The following FASTK variants were observed in gnomAD, a reference collection of about 807,000 sequenced individuals.
FASTK encodes fas-activated serine/threonine kinase.
A neutral mutation model predicts 60.0 loss-of-function variants in FASTK; 28 were observed. The ratio of observed to expected loss-of-function variants is 0.47; its 90% confidence interval spans 0.35 to 0.64. FASTK has a LOEUF of 0.64. FASTK is among the 30% of genes least tolerant of loss of function. The pLI, the probability that FASTK is intolerant of heterozygous loss-of-function variation, is 0.01. For missense variants in FASTK, 595 were observed against 713.8 expected, an observed-to-expected ratio of 0.83 and a Z score of 1.90; for synonymous variants, 325 against 307.9, an observed-to-expected ratio of 1.06 and a Z score of -0.58.
In FASTK at chr7:151,076,718, C is replaced by G; in HGVS notation, c.*7G>C. On this transcript the variant is annotated 3_prime_UTR_variant, in exon 10 of 10. Transcript: ENST00000297532. ...GGGGGGGCCATCCTGAACCCCACATCAACCCCTCAGCCCCCTTCAGGCCCC... is the reference window on the plus strand; with the variant it reads ...GGGGGGGCCATCCTGAACCCCACATGAACCCCTCAGCCCCCTTCAGGCCCC... The G allele has an allele frequency of 6.5e-7, 1 of 1,544,068 alleles. No individual in the cohort carries two copies. Among genetic ancestry groups the G allele is most frequent in the Admixed American group, 2.0e-5 (1 of 49,132 alleles).
rs941456971 is a variant in FASTK, at chr7:151,078,698, G to T, written c.689C>A (p.Ala230Glu). 1 of 1,612,752 alleles carries T rather than the reference G, an allele frequency of 6.2e-7. No homozygotes were observed. The highest frequency in any genetic ancestry group is 8.5e-7 in the Non-Finnish European group (1 of 1,179,890). The change falls in exon 4 of 10, where the codon GCA becomes GAA. Residue 230 changes from alanine to glutamate, a missense_variant. Transcript: ENST00000297532. The stretch of plus-strand genomic sequence containing the variant: ...GTGGGGAGTCAGTTCCTCTGGCCTT[G>T]CCTCTGTGAAGAGCAGCCTGTCACG... ...RQHLISSLAE[A>E]RPEELTPHVM...
Position 151,076,677 on chromosome 7 carries a change from A to G in FASTK, c.*48T>C, listed in dbSNP as rs763017436. 8.1e-7 allele frequency: 1 copy of G among 1,241,790 alleles called. No individual in the cohort carries two copies. The highest frequency in any genetic ancestry group is 1.5e-5 in the South Asian group (1 of 67,790). 76.9% of individuals were successfully genotyped at this position (1,241,790 alleles called of 1,614,324 possible). A position where few individuals can be genotyped will look rare whatever the true frequency, so the allele number is the denominator to read the frequency against. ...CAAAACACAGGGAACCAAAGTGCAA[A>G]TCATCCACCCCCCATGGGGGGGCCA... On this transcript the variant is annotated 3_prime_UTR_variant, in exon 10 of 10. Transcript: ENST00000297532.
Position 151,080,783 on chromosome 7 carries a change from C to T in FASTK, c.-17G>A. The T allele has an allele frequency of 7.9e-7, 1 of 1,266,648 alleles. No individual in the cohort carries two copies. Among genetic ancestry groups the T allele is most frequent in the Non-Finnish European group, 1.0e-6 (1 of 1,001,416 alleles). The allele number at this position is 1,266,648 out of a possible 1,614,324, so 78.5% of individuals were successfully genotyped here. On this transcript the variant is annotated 5_prime_UTR_variant, in exon 1 of 10. Transcript: ENST00000297532. Reference sequence around the variant, plus strand: ...CCTCCTCATCGGCTAGCCACCGAGTCCGCCATCTTCCCAGCAGCCCCTAGA... The same window carrying T: ...CCTCCTCATCGGCTAGCCACCGAGTTCGCCATCTTCCCAGCAGCCCCTAGA...
At position 151,080,218 on chromosome 7, in the gene FASTK, C is replaced by T. The variant is rs1247689022; in HGVS notation, c.83-296G>A. Reference sequence around the variant, plus strand: ...GCAGGGCTGGCATTACCTCATTTCACCGGTGGAGAAACGCAGGCCCAGAGC... The same window carrying T: ...GCAGGGCTGGCATTACCTCATTTCATCGGTGGAGAAACGCAGGCCCAGAGC... On this transcript the variant is annotated intron_variant, in intron 1 of 9. Coordinates refer to ENST00000297532, the MANE Select transcript of FASTK (RefSeq NM_006712.5). 9.8e-6 allele frequency: 4 copies of T among 407,852 alleles called. No individual in the cohort carries two copies. In the South Asian group the frequency reaches 1.5e-4, roughly 16 times the overall value. The allele number at this position is 407,852 out of a possible 1,614,324, so 25.3% of individuals were successfully genotyped here. A position where few individuals can be genotyped will look rare whatever the true frequency, so the allele number is the denominator to read the frequency against.
chr7:151,079,654 C>T lies in FASTK; in HGVS notation c.351G>A (p.Ala117=), dbSNP rs1585013335. 6.2e-7 allele frequency: 1 copy of T among 1,612,906 alleles called. No individual in the cohort carries two copies. Among genetic ancestry groups the T allele is most frequent in the Admixed American group, 1.7e-5 (1 of 59,926 alleles). Residue 117 remains alanine (A), a synonymous_variant, in exon 2 of 10, where the codon GCG becomes GCA. Coordinates refer to ENST00000297532, the MANE Select transcript of FASTK (RefSeq NM_006712.5). ...CCAAGAGCTGGCCCAGACGACGAAG[C>T]GCCACCGAGTAGTGGTGGGCGCGCA... is the stretch of plus-strand genomic sequence containing the variant. ...SKVRAHHYSV[A]LRRLGQLLGS...
At chr7:151,077,475 C>A in intron 6 of FASTK, 74 bp from the exon 7 acceptor site, 3 of 1,547,196 alleles carry the variant, frequency 1.9e-6, no homozygotes, top group Non-Finnish European at 2.7e-6. Flanking sequence ...AGTGCCACCA[C>A]CCTGGGCAAA....
In FASTK at chr7:151,080,674, GC is replaced by G; in HGVS notation, c.82+10del. ...CCCTCCCGCAGCCCTCCCCGCAGGC[GC>G]CACCCCTACATGACTCCCCGGGCCC... On this transcript the variant is annotated intron_variant, in intron 1 of 9. Transcript: ENST00000297532. 1 of 1,436,482 alleles carries G rather than the reference GC, an allele frequency of 7.0e-7. No individual in the cohort carries two copies. Among genetic ancestry groups the G allele is most frequent in the South Asian group, 1.4e-5 (1 of 72,200 alleles). The allele number at this position is 1,436,482 out of a possible 1,614,324, so 89.0% of individuals were successfully genotyped here. A position where few individuals can be genotyped will look rare whatever the true frequency, so the allele number is the denominator to read the frequency against.
At position 151,080,384 on chromosome 7, in the gene FASTK, G is replaced by A. The variant is rs536732811; in HGVS notation, c.82+301C>T. The A allele has an allele frequency of 1.4e-4, 137 of 969,500 alleles. 1 individual carries two copies. The African/African-American group carries it at 1.8e-3, about 13-fold the overall frequency. 60.1% of individuals were successfully genotyped at this position (969,500 alleles called of 1,614,324 possible). ...GCGGCGGCGGCACAGAGGGTGGAAC[G>A]CGGGCTCCGCGGCTGGACGGTGCTG... On this transcript the variant is annotated intron_variant, in intron 1 of 9. Transcript: ENST00000297532.
intron 4 of FASTK, among the ~76,000 whole-genome samples, 196 bp from the exon 5 acceptor site, chr7:151,078,288 A>T (rs948304555): frequency 6.6e-6 from 1 of 152,224 alleles, no homozygotes; most frequent in Non-Finnish European, 1.5e-5. Context: ...CAGAGGGGAC[A>T]TCGCTGTGGG....
At chr7:151,078,115 T>G (rs1380228882) in intron 4 of FASTK, 23 bp from the exon 5 acceptor site, 3 of 1,525,006 alleles carry the variant, frequency 2.0e-6, no homozygotes, top group African/African-American at 2.8e-5. Context: ...AGCAGTTCAT[T>G]ACCCAGTGTC....
chr7:151,078,755 AT>A, intron 3 of FASTK, 54 bp from the exon 4 acceptor site: 2 of 1,610,862 alleles, frequency 1.2e-6, no homozygotes, highest in Admixed American at 3.4e-5. Context: ...GGCTGGCTCA[AT>A]TCCACCTCAG....
intron 1 of FASTK, 174 bp downstream of exon 1, chr7:151,080,511 C>T (rs1797931254): frequency 1.6e-6 from 2 of 1,288,922 alleles, no homozygotes; most frequent in East Asian, 3.2e-5. Context: ...GCAGCGCCCA[C>T]CTCGCAGGGC....
At chr7:151,080,252 GGTTAA>G (rs1190837060) in intron 1 of FASTK, 30 of 373,226 alleles carry the variant, frequency 8.0e-5, no homozygotes, top group African/African-American at 1.7e-4. Flanking sequence ...GCAGCGAAGG[GGTTAA>G]GTTAAGCCCG....
chr7:151,077,242 G>A lies in FASTK; in HGVS notation c.1292-6C>T. On this transcript the variant is annotated splice_polypyrimidine_tract_variant and splice_region_variant and intron_variant, in intron 7 of 9. Coordinates refer to ENST00000297532, the MANE Select transcript of FASTK (RefSeq NM_006712.5). Reference sequence around the variant, plus strand: ...GCTGGCGCACAGCAGGAAGTCTGGAGGGGAGCAGGGCCGGCGGCCTTAGCC... The same window carrying A: ...GCTGGCGCACAGCAGGAAGTCTGGAAGGGAGCAGGGCCGGCGGCCTTAGCC... 1 of 1,612,498 alleles carries A rather than the reference G, an allele frequency of 6.2e-7. No individual in the cohort carries two copies.
chr7:151,078,285 G>C (rs1460538044), intron 4 of FASTK, among the ~76,000 whole-genome samples, 193 bp from the exon 5 acceptor site: 1 of 152,194 alleles, frequency 6.6e-6, no homozygotes, highest in Non-Finnish European at 1.5e-5. Flanking sequence ...AGGCAGAGGG[G>C]ACATCGCTGT....
At position 151,076,975 on chromosome 7, in the gene FASTK, G is replaced by A; in HGVS notation, c.1480C>T (p.Leu494=). The A allele has an allele frequency of 6.2e-7, 1 of 1,612,340 alleles. No homozygotes were observed. Among genetic ancestry groups the A allele is most frequent in the Non-Finnish European group, 8.5e-7 (1 of 1,179,804 alleles). ...TCCCTCAGGGCCCTCGAGCCCAGCA[G>A]CACCCGGCCGTCCCGGCAGAAATGC... ...RWHFCRDGRV[L]LGSRALRERH... is the part of the protein sequence containing the mutation. Residue 494 remains leucine, a synonymous_variant, in exon 9 of 10, where the codon CTG becomes TTG. Coordinates refer to ENST00000297532, the MANE Select transcript of FASTK (RefSeq NM_006712.5).
rs755877080 is a variant in FASTK, at chr7:151,077,240, G to A, written c.1292-4C>T. 4 of 1,612,546 alleles carry A rather than the reference G, an allele frequency of 2.5e-6. No individual in the cohort carries two copies. The South Asian group carries it at 3.3e-5, about 13-fold the overall frequency. On this transcript the variant is annotated splice_polypyrimidine_tract_variant and splice_region_variant and intron_variant, in intron 7 of 9. Coordinates refer to ENST00000297532, the MANE Select transcript of FASTK (RefSeq NM_006712.5). Reference sequence around the variant, plus strand: ...CTGCTGGCGCACAGCAGGAAGTCTGGAGGGGAGCAGGGCCGGCGGCCTTAG... The same window carrying A: ...CTGCTGGCGCACAGCAGGAAGTCTGAAGGGGAGCAGGGCCGGCGGCCTTAG...
At chr7:151,079,968 A>ATTT (rs745319773) in intron 1 of FASTK, 46 bp from the exon 2 acceptor site, 1 of 1,476,180 alleles carries the variant, frequency 6.8e-7, no homozygotes, top group East Asian at 2.4e-5. Context: ...TCCAAAGGGG[A>ATTT]GAAAGACCTG....
chr7:151,079,213 G>C, intron 2 of FASTK, 192 bp from the exon 3 acceptor site: 1 of 593,496 alleles, frequency 1.7e-6, no homozygotes, highest in Non-Finnish European at 2.9e-6. Context: ...GGTTTGTAGG[G>C]AGTACATACA....
Sources: gnomAD v4.1 joint callset for allele counts (sites outside exome capture counted in the v4.1 genomes callset) on GRCh38, gnomAD v4.1.1 for gene constraint, MANE v1.5 for transcripts, NCBI Gene and HGNC (gene_info 2026-07-23, HGNC 2026-07-21) for gene names.